The following REDIC1 variants were observed in gnomAD, a reference collection of about 807,000 sequenced individuals.
REDIC1 encodes HEI10 Interacting Protein 1.
chr12:39,711,697 A>ATG, the REDIC1 span, among the ~76,000 whole-genome samples: 2,792 of 33,720 alleles, frequency 0.083, 174 homozygotes, highest in African/African-American at 0.12. Context: ...ATGTATGTGT[A>ATG]TGTGTATACA....
At chr12:39,724,734 T>C in the REDIC1 span, among the ~76,000 whole-genome samples, 1 of 152,104 alleles carries the variant, frequency 6.6e-6, no homozygotes, top group South Asian at 2.1e-4. Context: ...AAATTTAATA[T>C]GTGGGCAAAG....
chr12:39,862,228 T>C, the REDIC1 span, among the ~76,000 whole-genome samples: 1 of 152,236 alleles, frequency 6.6e-6, no homozygotes, highest in Non-Finnish European at 1.5e-5. Flanking sequence ...TTTAGGGTTG[T>C]CGATCTCTTG....
At chr12:39,687,691 A>C in the REDIC1 span, among the ~76,000 whole-genome samples, 10 of 152,322 alleles carry the variant, frequency 6.6e-5, no homozygotes, top group South Asian at 2.1e-3. Flanking sequence ...TCCAAACCAT[A>C]TCATCTTTCA....
the REDIC1 span, among the ~76,000 whole-genome samples, chr12:39,844,372 A>G: frequency 1.3e-5 from 2 of 152,150 alleles, no homozygotes; most frequent in South Asian, 4.1e-4. Context: ...ATATTCTTTA[A>G]TTAGAATTGT....
chr12:39,856,531 G>C, the REDIC1 span, among the ~76,000 whole-genome samples: 1 of 152,074 alleles, frequency 6.6e-6, no homozygotes, highest in Non-Finnish European at 1.5e-5. Flanking sequence ...ACCATGCCCA[G>C]CTAATTTTTG....
chr12:39,902,380 A>G, the REDIC1 span, among the ~76,000 whole-genome samples: 6 of 151,970 alleles, frequency 3.9e-5, no homozygotes, highest in Admixed American at 2.6e-4. Flanking sequence ...GAGTGAAAAG[A>G]TATGTACATA....
the REDIC1 span, chr12:39,646,358 A>ATT: frequency 2.3e-5 from 31 of 1,372,538 alleles, no homozygotes; most frequent in East Asian, 8.2e-4. Context: ...CCATGTGAAC[A>ATT]TGAATAGAGA....
the REDIC1 span, among the ~76,000 whole-genome samples, chr12:39,902,063 A>G: frequency 6.6e-6 from 1 of 152,010 alleles, no homozygotes; most frequent in Non-Finnish European, 1.5e-5. Context: ...GAAATTGGAA[A>G]CCATCATTCT....
At chr12:39,765,636 C>A in the REDIC1 span, among the ~76,000 whole-genome samples, 2 of 152,086 alleles carry the variant, frequency 1.3e-5, no homozygotes, top group African/African-American at 4.8e-5. Flanking sequence ...TAACATTCCA[C>A]CTGTCTTGAT....
chr12:39,644,946 T>G, the REDIC1 span, among the ~76,000 whole-genome samples: 1 of 151,912 alleles, frequency 6.6e-6, no homozygotes, highest in African/African-American at 2.4e-5. Flanking sequence ...TCTTGCCAGG[T>G]TTGATGAAAA....
chr12:39,679,005 G>A, the REDIC1 span, among the ~76,000 whole-genome samples: 1 of 152,064 alleles, frequency 6.6e-6, no homozygotes, highest in Non-Finnish European at 1.5e-5. Context: ...CTGAATGGGG[G>A]AAAGTTGAAA....
the REDIC1 span, among the ~76,000 whole-genome samples, chr12:39,842,306 T>G: frequency 1.3e-5 from 2 of 152,084 alleles, no homozygotes; most frequent in Non-Finnish European, 2.9e-5. Context: ...GCAGGAGCAT[T>G]CCTGTTTCAC....
chr12:39,811,662 G>A, the REDIC1 span, among the ~76,000 whole-genome samples: 2 of 152,090 alleles, frequency 1.3e-5, no homozygotes, highest in African/African-American at 2.4e-5. Context: ...ATTATTAGAG[G>A]AATATACATT....
At chr12:39,781,988 G>A in the REDIC1 span, among the ~76,000 whole-genome samples, 1 of 152,120 alleles carries the variant, frequency 6.6e-6, no homozygotes, top group Admixed American at 6.6e-5. Context: ...GTGAATACAG[G>A]AACTGAAAAT....
chr12:39,744,889 G>A, the REDIC1 span, among the ~76,000 whole-genome samples: 1 of 152,082 alleles, frequency 6.6e-6, no homozygotes, highest in Non-Finnish European at 1.5e-5. Context: ...GCAAGTAAAA[G>A]ACACTGTCAG....
the REDIC1 span, among the ~76,000 whole-genome samples, chr12:39,873,884 CT>C: frequency 6.6e-6 from 1 of 152,084 alleles, no homozygotes; most frequent in Non-Finnish European, 1.5e-5. Context: ...CTAATAGCAC[CT>C]CCGTGTCTTC....
chr12:39,647,941 T>G, the REDIC1 span: 1 of 1,590,008 alleles, frequency 6.3e-7, no homozygotes, highest in Non-Finnish European at 8.6e-7. Flanking sequence ...CACCTACTCC[T>G]CAGAAACTTG....
the REDIC1 span, among the ~76,000 whole-genome samples, chr12:39,628,826 C>T: frequency 6.6e-6 from 1 of 152,054 alleles, no homozygotes; most frequent in South Asian, 2.1e-4. Flanking sequence ...TATTCATTTG[C>T]TCTTGAAAAT....
chr12:39,747,877 T>C, the REDIC1 span, among the ~76,000 whole-genome samples: 1 of 152,126 alleles, frequency 6.6e-6, no homozygotes, highest in Non-Finnish European at 1.5e-5. Context: ...AAGCAAATGC[T>C]GAGAGATTTT....
Sources: gnomAD v4.1 joint callset for allele counts (sites outside exome capture counted in the v4.1 genomes callset) on GRCh38, gnomAD v4.1.1 for gene constraint, MANE v1.5 for transcripts, NCBI Gene and HGNC (gene_info 2026-07-23, HGNC 2026-07-21) for gene names.